CACNA2D2: variants seen among roughly 807,000 people sequenced by gnomAD.
CACNA2D2 encodes voltage-dependent calcium channel subunit alpha-2/delta-2.
A neutral mutation model predicts 166.4 loss-of-function variants in CACNA2D2; 48 were observed. That is an observed-to-expected ratio of 0.29 (90% CI 0.23 to 0.37). The LOEUF (loss-of-function observed/expected upper bound fraction) is 0.37. Ranked by LOEUF, CACNA2D2 falls within the 10% of genes least tolerant of loss-of-function variation. The probability of loss-of-function intolerance (pLI) is 1.00; values close to 1 mark genes in which losing one functional copy is unlikely to be tolerated. For synonymous variants in CACNA2D2, 561 were observed against 573.7 expected, an observed-to-expected ratio of 0.98 and a Z score of 0.32; for missense variants, 1,122 against 1,433.0, an observed-to-expected ratio of 0.78 and a Z score of 3.50.
rs1707888006 is a variant in CACNA2D2 at position 50,428,106 on chromosome 3, CAA to C, written c.405+6205_405+6206del. Among the ~76,000 whole-genome samples, 7 of 152,154 alleles carry C rather than the reference CAA, an allele frequency of 4.6e-5. No homozygotes were observed. In the South Asian group the frequency reaches 1.4e-3, roughly 31 times the overall value. On this transcript the variant is annotated intron_variant, in intron 3 of 37. Transcript: ENST00000424201. ...TCTGTCCCGTTAGGCCAGTGGTTCT[CAA>C]CTGGGGCAACTTTGCCCCCAGGCAA...
chr3:50,476,209 G>C lies in CACNA2D2; in HGVS notation c.207-10C>G, dbSNP rs1186091178. 1 of 1,573,992 alleles carries C rather than the reference G, an allele frequency of 6.4e-7. No individual in the cohort carries two copies. The highest frequency in any genetic ancestry group is 8.6e-7 in the Non-Finnish European group (1 of 1,160,972). ...GGCCCAGTGCTGCATCCTGTATGCA[G>C]AGAGAGGAGAGAGGTGTCAGGAGGG... On this transcript the variant is annotated splice_polypyrimidine_tract_variant and intron_variant, in intron 1 of 37. Coordinates refer to ENST00000424201, the MANE Select transcript of CACNA2D2 (RefSeq NM_006030.4).
chr3:50,410,699 G>A (rs1227943301), intron 3 of CACNA2D2, among the ~76,000 whole-genome samples: 1 of 152,244 alleles, frequency 6.6e-6, no homozygotes, highest in African/African-American at 2.4e-5. Context: ...AAGGGAAAGG[G>A]GGTAAGTGGG....
intron 1 of CACNA2D2, among the ~76,000 whole-genome samples, chr3:50,479,712 G>T (rs1697961625): frequency 7.8e-6 from 1 of 128,920 alleles, no homozygotes; most frequent in African/African-American, 4.8e-5. Context: ...CGGATGCATG[G>T]GAATGTCCCT....
At chr3:50,467,619 C>G (rs567003942) in intron 2 of CACNA2D2, among the ~76,000 whole-genome samples, 3 of 152,144 alleles carry the variant, frequency 2.0e-5, no homozygotes, top group Non-Finnish European at 4.4e-5. Context: ...GACTGCACAC[C>G]CTTGCATACT....
rs1336982539 is a variant in CACNA2D2, at chr3:50,365,600, G to A, written c.2971+33C>T. The A allele has an allele frequency of 6.4e-7, 1 of 1,573,246 alleles. No individual in the cohort carries two copies. The highest frequency in any genetic ancestry group is 8.6e-7 in the Non-Finnish European group (1 of 1,158,982). On this transcript the variant is annotated intron_variant, in intron 34 of 37. Transcript: ENST00000424201. This position sits in a 1 kb window ranked among gnomAD's most constrained non-coding sequence, Gnocchi z 4.5. Reference sequence around the variant, plus strand: ...CGTCTTAGCTCAGATTGGGGACCCGGACTTGAGGAGGCGCCTCCAAAGCCC... The same window carrying A: ...CGTCTTAGCTCAGATTGGGGACCCGAACTTGAGGAGGCGCCTCCAAAGCCC...
chr3:50,423,215 C>G, intron 3 of CACNA2D2, among the ~76,000 whole-genome samples: 1 of 152,264 alleles, frequency 6.6e-6, no homozygotes, highest in East Asian at 1.9e-4. Flanking sequence ...ATCCCCTGCC[C>G]TGACCCTGCC....
rs1705224931 is a variant in CACNA2D2, at chr3:50,380,114, A to G, written c.843-96T>C. 1 of 1,280,316 alleles carries G rather than the reference A, an allele frequency of 7.8e-7. No individual in the cohort carries two copies. The highest frequency in any genetic ancestry group is 1.1e-6 in the Non-Finnish European group (1 of 886,502). The allele number at this position is 1,280,316 out of a possible 1,614,324, so 79.3% of individuals were successfully genotyped here. On this transcript the variant is annotated intron_variant, in intron 8 of 37. Coordinates refer to ENST00000424201, the MANE Select transcript of CACNA2D2 (RefSeq NM_006030.4). The surrounding 1 kb of genome is among the most constrained non-coding windows in gnomAD (Gnocchi z 4.9). ...ATATTGATTCAATACATTTCTCTTG[A>G]GCATGCACTGTGTGGGCCAGGCAGG...
At chr3:50,466,465 C>T (rs1709833432) in intron 2 of CACNA2D2, among the ~76,000 whole-genome samples, 1 of 152,210 alleles carries the variant, frequency 6.6e-6, no homozygotes, top group African/African-American at 2.4e-5. Flanking sequence ...CACATTTGTG[C>T]ACACACACAT....
intron 1 of CACNA2D2, among the ~76,000 whole-genome samples, chr3:50,491,815 G>A (rs1698534694): frequency 6.6e-6 from 1 of 152,186 alleles, no homozygotes. Flanking sequence ...TGTGACAGGT[G>A]GGGAACACTG....
At chr3:50,495,947 T>C (rs1166732528) in intron 1 of CACNA2D2, among the ~76,000 whole-genome samples, 1 of 152,232 alleles carries the variant, frequency 6.6e-6, no homozygotes, top group Non-Finnish European at 1.5e-5. Context: ...AAATTTGAAT[T>C]ACAAGGACGC....
intron 13 of CACNA2D2, among the ~76,000 whole-genome samples, chr3:50,378,571 C>T (rs587626450): frequency 6.6e-6 from 1 of 152,196 alleles, no homozygotes; most frequent in Non-Finnish European, 1.5e-5. Flanking sequence ...GAGGGAGGAG[C>T]CTGAGGTCTG....
chr3:50,377,630 G>A (rs1382866267), intron 16 of CACNA2D2, 89 bp from the exon 17 acceptor site: 3 of 1,561,406 alleles, frequency 1.9e-6, no homozygotes, highest in Middle Eastern at 1.7e-4. Context: ...CTCACAGGCA[G>A]TGTGCAGGCC....
chr3:50,407,092 C>T (rs936058910), intron 3 of CACNA2D2, among the ~76,000 whole-genome samples: 2 of 151,686 alleles, frequency 1.3e-5, no homozygotes, highest in Non-Finnish European at 2.9e-5. Context: ...GAGAACTGGC[C>T]CTGGGCACTC....
At chr3:50,496,693 C>A (rs1054325746) in intron 1 of CACNA2D2, among the ~76,000 whole-genome samples, 1 of 152,228 alleles carries the variant, frequency 6.6e-6, no homozygotes, top group African/African-American at 2.4e-5. Flanking sequence ...ACACCCCAAC[C>A]CTATGTGGCA....
chr3:50,377,784 G>A lies in CACNA2D2; in HGVS notation c.1499C>T (p.Thr500Ile). 1 of 1,613,312 alleles carries A rather than the reference G, an allele frequency of 6.2e-7. No homozygotes were observed. Among genetic ancestry groups the A allele is most frequent in the African/African-American group, 1.3e-5 (1 of 75,046 alleles). ...EDALGLGLVV[T>I]GTLPVFNLTQ... ...CAGGTTGAAAACAGGGAGGGTCCCT[G>A]TTACCACCAACCCCAGTCCCTGAAG... is the stretch of plus-strand genomic sequence containing the variant. The change falls in exon 16 of 38, where the codon ACA becomes ATA. Residue 500 changes from threonine to isoleucine, a missense_variant. Thr to Ile is a moderately conservative substitution (Grantham distance 89). Transcript: ENST00000424201.
chr3:50,368,466 C>T (rs1417943222), intron 23 of CACNA2D2, among the ~76,000 whole-genome samples: 1 of 152,146 alleles, frequency 6.6e-6, no homozygotes, highest in Non-Finnish European at 1.5e-5. Context: ...CGGGCAGCTG[C>T]TTTCTCCTGG....
chr3:50,450,239 G>T (rs1223808803), intron 2 of CACNA2D2, among the ~76,000 whole-genome samples: 1 of 152,144 alleles, frequency 6.6e-6, no homozygotes, highest in Non-Finnish European at 1.5e-5. Context: ...GGATCGGCCT[G>T]GCTCCCTTTG....
intron 1 of CACNA2D2, among the ~76,000 whole-genome samples, chr3:50,502,719 T>C (rs1699030828): frequency 6.6e-6 from 1 of 152,214 alleles, no homozygotes; most frequent in African/African-American, 2.4e-5. Context: ...ATCATCAGCA[T>C]ACAGCTCCCC....
chr3:50,494,696 G>T (rs1275449355), intron 1 of CACNA2D2, among the ~76,000 whole-genome samples: 2 of 152,048 alleles, frequency 1.3e-5, no homozygotes, highest in Non-Finnish European at 2.9e-5. Context: ...ATTTATAAAT[G>T]ACAGGCTCTC....
Sources: gnomAD v4.1 joint callset for allele counts (sites outside exome capture counted in the v4.1 genomes callset) on GRCh38, gnomAD v4.1.1 for gene constraint, Gnocchi (gnomAD v3.1) non-coding constraint, MANE v1.5 for transcripts, NCBI Gene and HGNC (gene_info 2026-07-23, HGNC 2026-07-21) for gene names.